IQANK1: variants seen among roughly 807,000 people sequenced by gnomAD.
IQANK1 encodes IQ motif and ankyrin repeat domain-containing protein 1.
A neutral mutation model predicts 22.6 loss-of-function variants in IQANK1; 30 were observed. The ratio of observed to expected loss-of-function variants is 1.33; its 90% CI spans 0.99 to 1.80. IQANK1 has a LOEUF of 1.80. Among genes scored for constraint, IQANK1 ranks in the 40% most tolerant of loss-of-function variants. The probability of loss-of-function intolerance (pLI) is 0.00; values close to 1 mark genes in which losing one functional copy is unlikely to be tolerated. For missense variants in IQANK1, 275 were observed against 235.2 expected (o/e 1.17, Z -1.11); for synonymous variants, 122 against 99.6 (o/e 1.23, Z -1.34).
chr8:143,777,793 A>C (rs560702512), intron 7 of IQANK1, among the ~76,000 whole-genome samples: 1 of 152,276 alleles, frequency 6.6e-6, no homozygotes, highest in East Asian at 1.9e-4. Context: ...AAAGAGGAAA[A>C]GGAAAAGAAC....
At chr8:143,766,571 T>C (rs1819484245) in intron 3 of IQANK1, among the ~76,000 whole-genome samples, 1 of 151,942 alleles carries the variant, frequency 6.6e-6, no homozygotes, top group Non-Finnish European at 1.5e-5. Context: ...CCTGGGAGGC[T>C]GAGGCAGGAG....
At chr8:143,744,666 G>A (rs1818993126) in intron 3 of IQANK1, 1 of 152,188 alleles carries the variant, frequency 6.6e-6, no homozygotes, top group Admixed American at 6.5e-5. Flanking sequence ...GGTCTCTGAT[G>A]TTGGTGTTAA....
At position 143,758,200 on chromosome 8, in the gene IQANK1, C is replaced by T. The variant is rs148332567; in HGVS notation, c.176-13288C>T. The T allele has an allele frequency of 6.6e-6, 1 of 152,366 alleles. No homozygotes were observed. 9.4% of individuals were successfully genotyped at this position (152,366 alleles called of 1,614,324 possible). On this transcript the variant is annotated intron_variant, in intron 3 of 13. Transcript: ENST00000527139. This position sits in a 1 kb window ranked among gnomAD's most constrained non-coding sequence, Gnocchi z 4.2. ...ACAAAACAGGCTCAGCGCAGTGGCT[C>T]ACGCCTAAAATCCCAGCACTTTGGG... is the stretch of plus-strand genomic sequence containing the variant.
chr8:143,740,923 C>A (rs373626015), intron 3 of IQANK1, among the ~76,000 whole-genome samples: 32 of 152,330 alleles, frequency 2.1e-4, no homozygotes, highest in African/African-American at 7.7e-4. Flanking sequence ...GGAGCGTGTC[C>A]AGTAGCTGGG....
rs1446222493 is a variant in IQANK1 at position 143,771,507 on chromosome 8, G to A, written c.195G>A (p.Ala65=). ...QAPTGPAEDR[A]ARAIQGAFRQ... is the part of the protein sequence containing the mutation. ...CCCCAGGGCCGGCCGAGGACCGAGC[G>A]GCCAGAGCGATCCAGGGCGCCTTCC... Residue 65 remains alanine (A), a synonymous_variant, in exon 4 of 14, where the codon GCG becomes GCA. Transcript: ENST00000527139. This position sits in a 1 kb window ranked among gnomAD's most constrained non-coding sequence, Gnocchi z 6.0. 2.5e-6 allele frequency: 1 copy of A among 398,068 alleles called. No homozygotes were observed. Among genetic ancestry groups the A allele is most frequent in the Non-Finnish European group, 4.4e-6 (1 of 225,736 alleles). The allele number at this position is 398,068 out of a possible 1,614,324, so 24.7% of individuals were successfully genotyped here.
intron 3 of IQANK1, among the ~76,000 whole-genome samples, chr8:143,764,451 CAAA>C (rs33978948): frequency 1.5e-5 from 2 of 129,478 alleles, no homozygotes; most frequent in South Asian, 2.5e-4. Flanking sequence ...TCCGTCGCTA[CAAA>C]AAAAAAAAAA....
intron 7 of IQANK1, among the ~76,000 whole-genome samples, chr8:143,784,963 ATGTC>A (rs1389811099): frequency 6.6e-6 from 1 of 152,156 alleles, no homozygotes; most frequent in Non-Finnish European, 1.5e-5. Context: ...TTCTTGTGAC[ATGTC>A]TTTCAGTTTA....
chr8:143,743,330 T>C (rs1157535319), intron 3 of IQANK1, among the ~76,000 whole-genome samples: 2 of 152,206 alleles, frequency 1.3e-5, no homozygotes, highest in African/African-American at 2.4e-5. Flanking sequence ...CTCCAACTGC[T>C]GGGCTTAAGT....
intron 7 of IQANK1, among the ~76,000 whole-genome samples, chr8:143,786,120 C>A (rs185926368): frequency 1.6e-4 from 25 of 152,308 alleles, no homozygotes; most frequent in African/African-American, 5.8e-4. Context: ...GCCTCAGCCT[C>A]CCAAAGTGCT....
chr8:143,783,610 T>C (rs1172506051), intron 7 of IQANK1, among the ~76,000 whole-genome samples: 1 of 152,242 alleles, frequency 6.6e-6, no homozygotes. Context: ...TTTTCCTTTA[T>C]GGTTGGTGCC....
chr8:143,763,097 A>C (rs1043609566), intron 3 of IQANK1, among the ~76,000 whole-genome samples: 7 of 151,720 alleles, frequency 4.6e-5, no homozygotes, highest in Admixed American at 2.0e-4. Flanking sequence ...GCTCACTGCA[A>C]CCTCTGCCTC....
At chr8:143,742,677 C>T (rs1554626732) in intron 3 of IQANK1, 3 of 455,964 alleles carry the variant, frequency 6.6e-6, no homozygotes, top group Non-Finnish European at 1.3e-5. Context: ...AGCCCCAGAG[C>T]CCCAGAAACC....
At chr8:143,767,554 AG>A (rs1819501497) in intron 3 of IQANK1, among the ~76,000 whole-genome samples, 1 of 152,204 alleles carries the variant, frequency 6.6e-6, no homozygotes, top group Non-Finnish European at 1.5e-5. Flanking sequence ...AGACAGTACA[AG>A]GAACAGAACC....
chr8:143,783,042 T>C (rs1032103505), intron 7 of IQANK1, among the ~76,000 whole-genome samples: 5 of 152,240 alleles, frequency 3.3e-5, no homozygotes, highest in Non-Finnish European at 5.9e-5. Flanking sequence ...GAGACTTTAA[T>C]TATATAAATG....
At chr8:143,785,466 G>C (rs61245451) in intron 7 of IQANK1, among the ~76,000 whole-genome samples, 4,738 of 152,090 alleles carry the variant, frequency 0.031, 234 homozygotes, top group African/African-American at 0.1. Context: ...ATGTTGGCTA[G>C]GCTGGTCTTG....
At chr8:143,756,566 G>A (rs528836446) in intron 3 of IQANK1, among the ~76,000 whole-genome samples, 85 of 152,188 alleles carry the variant, frequency 5.6e-4, no homozygotes, top group Non-Finnish European at 1.0e-3. Flanking sequence ...CTCGTGGCTT[G>A]GTGGGTCTGG....
At position 143,735,887 on chromosome 8, in the gene IQANK1, G is replaced by C; in HGVS notation, c.34G>C (p.Ala12Pro). The change falls in exon 2 of 14, where the codon GCT (alanine) becomes CCT (proline). Residue 12 changes from alanine (A) to proline (P), a missense_variant. By Grantham distance (27) the Ala-to-Pro change is conservative. Transcript: ENST00000527139. The surrounding 1 kb of genome is among the most constrained non-coding windows in gnomAD (Gnocchi z 5.2). ...DSKKGRPKAA[A>P]GKWQTLHPGP... ...TAAGAAGGGGAGACCCAAAGCTGCA[G>C]CTGGGAAGTGGCAGACGCTCCACCC... is the stretch of plus-strand genomic sequence containing the variant. The C allele has an allele frequency of 1.4e-6, 1 of 702,660 alleles. No individual in the cohort carries two copies. Among genetic ancestry groups the C allele is most frequent in the South Asian group, 1.5e-5 (1 of 67,590 alleles). The allele number at this position is 702,660 out of a possible 1,614,324, so 43.5% of individuals were successfully genotyped here.
Position 143,735,239 on chromosome 8 carries a change from G to A in IQANK1, c.-4-611G>A, listed in dbSNP as rs1818699659. Among the ~76,000 whole-genome samples, 1 of 152,254 alleles carries A rather than the reference G, an allele frequency of 6.6e-6. No individual in the cohort carries two copies. Among genetic ancestry groups the A allele is most frequent in the South Asian group, 2.1e-4 (1 of 4,834 alleles). ...GGCATGGGGCACCGGGGAGGACCCGGACAGGCTGGGGCAGGCAGGAGGAGC... is the reference window on the plus strand; with the variant it reads ...GGCATGGGGCACCGGGGAGGACCCGAACAGGCTGGGGCAGGCAGGAGGAGC... On this transcript the variant is annotated intron_variant, in intron 1 of 13. Transcript: ENST00000527139. The surrounding 1 kb of genome is among the most constrained non-coding windows in gnomAD (Gnocchi z 5.2).
intron 3 of IQANK1, among the ~76,000 whole-genome samples, chr8:143,765,386 T>C (rs1217935768): frequency 6.6e-6 from 1 of 152,076 alleles, no homozygotes; most frequent in Non-Finnish European, 1.5e-5. Context: ...TTTATGATTA[T>C]ATATAATCCT....
Sources: allele counts gnomAD v4.1 joint callset (sites outside exome capture counted in the v4.1 genomes callset), GRCh38; gene constraint gnomAD v4.1.1; non-coding constraint Gnocchi (gnomAD v3.1); transcripts MANE v1.5; gene names NCBI Gene and HGNC (gene_info 2026-07-23, HGNC 2026-07-21).